The following ERC2 variants were observed in gnomAD, a reference collection of about 807,000 sequenced individuals.
ERC2 encodes ELKS/RAB6-interacting/CAST family member 2, also known as ERC protein 2.
In ERC2, 42 loss-of-function variants were observed where a neutral mutation model predicts 114.8. The ratio of observed to expected loss-of-function variants is 0.37; its 90% confidence interval spans 0.29 to 0.47. ERC2 has a LOEUF of 0.47. Ranked by LOEUF, ERC2 falls within the 20% of genes least tolerant of loss-of-function variation. The pLI is 0.99. For missense variants in ERC2, 939 were observed against 1,150.7 expected, an observed-to-expected ratio of 0.82 and a Z score of 2.66; for synonymous variants, 454 against 425.5, an observed-to-expected ratio of 1.07 and a Z score of -0.82.
rs182088197 is a variant in ERC2, at chr3:56,374,983, A to G, written c.657+59368T>C. On this transcript the variant is annotated intron_variant, in intron 2 of 17. Coordinates refer to ENST00000288221, the MANE Select transcript of ERC2 (RefSeq NM_015576.3). Reference sequence around the variant, plus strand: ...GGGACTAAAATCTAACTGAACATCTATTCAGTGTCTTCCTAGTTTATACTT... The same window carrying G: ...GGGACTAAAATCTAACTGAACATCTGTTCAGTGTCTTCCTAGTTTATACTT... Among the ~76,000 whole-genome samples, 547 of 152,304 alleles carry G rather than the reference A, an allele frequency of 3.6e-3. 2 individuals carry two copies. Among genetic ancestry groups the G allele is most frequent in the Non-Finnish European group, 5.1e-3 (348 of 68,040 alleles).
At chr3:56,361,909 T>C (rs2058972476) in intron 2 of ERC2, among the ~76,000 whole-genome samples, 1 of 152,202 alleles carries the variant, frequency 6.6e-6, no homozygotes, top group Non-Finnish European at 1.5e-5. Context: ...ATCTTCACTA[T>C]TGCTCCCATG....
At chr3:55,642,534 C>T (rs1379134722) in intron 17 of ERC2, among the ~76,000 whole-genome samples, 1 of 152,030 alleles carries the variant, frequency 6.6e-6, no homozygotes, top group African/African-American at 2.4e-5. Context: ...GGGGTTTCGT[C>T]ATGTTGGCCA....
intron 8 of ERC2, among the ~76,000 whole-genome samples, chr3:56,013,465 C>T (rs1026574492): frequency 6.6e-6 from 1 of 152,130 alleles, no homozygotes; most frequent in Non-Finnish European, 1.5e-5. Flanking sequence ...GAGTTTTAGT[C>T]TTATTCTATC....
intron 14 of ERC2, among the ~76,000 whole-genome samples, chr3:55,878,114 T>C (rs1022111877): frequency 3.9e-5 from 6 of 152,180 alleles, no homozygotes; most frequent in African/African-American, 1.2e-4. Context: ...ACATGAAGTA[T>C]GGTGCTTGGA....
At chr3:56,215,121 G>A (rs938904379) in intron 3 of ERC2, among the ~76,000 whole-genome samples, 1 of 152,150 alleles carries the variant, frequency 6.6e-6, no homozygotes, top group Non-Finnish European at 1.5e-5. Flanking sequence ...CATAATGACA[G>A]GATCAAATTC....
At chr3:56,465,323 C>T (rs562743070) in intron 1 of ERC2, among the ~76,000 whole-genome samples, 2 of 152,158 alleles carry the variant, frequency 1.3e-5, no homozygotes, top group South Asian at 2.1e-4. Context: ...CACTTGAACC[C>T]GGGAGGCAGA....
chr3:55,963,712 AGCCACATTAGG>A (rs2068550953), intron 12 of ERC2, among the ~76,000 whole-genome samples: 1 of 152,246 alleles, frequency 6.6e-6, no homozygotes. Flanking sequence ...TGTTAGACAC[AGCCACATTAGG>A]GCCAATTTGG....
At chr3:56,304,311 T>C (rs1211294616) in intron 2 of ERC2, among the ~76,000 whole-genome samples, 1 of 152,192 alleles carries the variant, frequency 6.6e-6, no homozygotes, top group Non-Finnish European at 1.5e-5. Flanking sequence ...ATGAAAATAC[T>C]GTTAACTTTG....
At chr3:55,560,535 C>A (rs1466207814) in intron 17 of ERC2, among the ~76,000 whole-genome samples, 1 of 152,136 alleles carries the variant, frequency 6.6e-6, no homozygotes, top group Non-Finnish European at 1.5e-5. Context: ...GCCCAGCCTG[C>A]AGCTGACCCC....
intron 14 of ERC2, among the ~76,000 whole-genome samples, chr3:55,858,472 GC>G (rs1043876280): frequency 2.0e-5 from 3 of 152,170 alleles, no homozygotes; most frequent in African/African-American, 7.2e-5. Context: ...ATGACTCTGA[GC>G]AAAAATATTT....
intron 17 of ERC2, among the ~76,000 whole-genome samples, chr3:55,551,760 GA>G: frequency 6.6e-6 from 1 of 152,190 alleles, no homozygotes; most frequent in East Asian, 1.9e-4. Flanking sequence ...AAAGTCCTCC[GA>G]TTTAAATGCT....
intron 3 of ERC2, among the ~76,000 whole-genome samples, chr3:56,188,744 A>T (rs148603078): frequency 7.0e-4 from 106 of 152,278 alleles, no homozygotes; most frequent in African/African-American, 2.5e-3. Flanking sequence ...TCCCAGCCTA[A>T]ATCTTTTCAC....
intron 9 of ERC2, 71 bp from the exon 10 acceptor site, chr3:56,007,392 T>C: frequency 7.4e-7 from 1 of 1,360,444 alleles, no homozygotes; most frequent in Non-Finnish European, 1.0e-6. Flanking sequence ...TTTGAACACA[T>C]TGATTCTATA....
chr3:55,863,264 T>C (rs2062105904), intron 14 of ERC2, among the ~76,000 whole-genome samples: 1 of 152,134 alleles, frequency 6.6e-6, no homozygotes, highest in African/African-American at 2.4e-5. Context: ...ATAGACTCAG[T>C]ACTGGATAAG....
chr3:55,887,557 T>C (rs2063406269), intron 14 of ERC2, among the ~76,000 whole-genome samples: 1 of 152,240 alleles, frequency 6.6e-6, no homozygotes, highest in Admixed American at 6.5e-5. Context: ...TGATTTCATT[T>C]AAAAACATAG....
chr3:55,934,829 A>G (rs2066335365), intron 13 of ERC2, among the ~76,000 whole-genome samples: 1 of 152,254 alleles, frequency 6.6e-6, no homozygotes, highest in African/African-American at 2.4e-5. Flanking sequence ...AGAAGGAGCC[A>G]TTTGAAAAGT....
chr3:55,617,137 A>C (rs2059153413), intron 17 of ERC2, among the ~76,000 whole-genome samples: 1 of 152,202 alleles, frequency 6.6e-6, no homozygotes. Flanking sequence ...GAGGGACCAG[A>C]GGACTTAATG....
chr3:56,388,077 C>A (rs1368270074), intron 2 of ERC2, among the ~76,000 whole-genome samples: 5 of 152,128 alleles, frequency 3.3e-5, no homozygotes, highest in Non-Finnish European at 7.4e-5. Flanking sequence ...CCTAACTCAT[C>A]ATTTTCATAA....
chr3:55,676,414 C>T (rs1469363270), intron 17 of ERC2, among the ~76,000 whole-genome samples: 2 of 150,262 alleles, frequency 1.3e-5, no homozygotes, highest in Non-Finnish European at 1.5e-5. Context: ...TTTGGGCTGG[C>T]TGGTTTCGCT....
Sources: allele counts gnomAD v4.1 joint callset (sites outside exome capture counted in the v4.1 genomes callset), GRCh38; gene constraint gnomAD v4.1.1; transcripts MANE v1.5; gene names NCBI Gene and HGNC (gene_info 2026-07-23, HGNC 2026-07-21).